COL16A1: variants seen among roughly 807,000 people sequenced by gnomAD.
COL16A1 encodes the protein collagen type XVI alpha 1 chain, also known as collagen alpha-1(XVI) chain.
Under a neutral mutation model 266.3 loss-of-function variants are expected in COL16A1, and 189 were observed. The observed-to-expected ratio is 0.71, with a 90% CI of 0.63 to 0.80. COL16A1 has a LOEUF of 0.80. Ranked by LOEUF, COL16A1 falls within the 30% of genes least tolerant of loss-of-function variation. COL16A1 has a pLI of 0.00. For missense variants in COL16A1, 1,928 were observed against 2,122.4 expected (o/e 0.91, Z 1.80); for synonymous variants, 740 against 782.3 (o/e 0.95, Z 0.90).
intron 10 of COL16A1, 45 bp from the exon 11 acceptor site, chr1:31,695,266 G>A (rs372946481): frequency 1.1e-5 from 17 of 1,606,490 alleles, no homozygotes; most frequent in East Asian, 6.7e-5. Context: ...GAGCCCCTGG[G>A]GTGAGCCCTC....
chr1:31,683,821 T>C, intron 33 of COL16A1, 73 bp from the exon 34 acceptor site: 1 of 1,609,952 alleles, frequency 6.2e-7, no homozygotes, highest in East Asian at 2.2e-5. Flanking sequence ...CAGCCCCTTC[T>C]CCTCCAGCTT....
Position 31,661,781 on chromosome 1 carries a change from C to T in COL16A1, c.3682-77G>A. ...CCAACTCATACCTCTGTCCTCCCCT[C>T]TCTCCAGCCCTCCCCAGCTATCCTA... On this transcript the variant is annotated intron_variant, in intron 58 of 70. Coordinates refer to ENST00000373672, the MANE Select transcript of COL16A1 (RefSeq NM_001856.4). The T allele has an allele frequency of 6.3e-6, 9 of 1,435,232 alleles. No individual in the cohort carries two copies. In the South Asian group the frequency reaches 1.2e-4, roughly 18 times the overall value. 88.9% of individuals were successfully genotyped at this position (1,435,232 alleles called of 1,614,324 possible). A position where few individuals can be genotyped will look rare whatever the true frequency, so the allele number is the denominator to read the frequency against.
chr1:31,701,701 T>G (rs768974556), intron 2 of COL16A1, among the ~76,000 whole-genome samples: 2 of 152,016 alleles, frequency 1.3e-5, no homozygotes, highest in Non-Finnish European at 2.9e-5. Context: ...TCAGCAGGAC[T>G]TGGGGTTCTC....
Position 31,693,101 on chromosome 1 carries a change from C to G in COL16A1, c.1062G>C (p.Lys354Asn). 1.9e-6 allele frequency: 3 copies of G among 1,609,290 alleles called. No individual in the cohort carries two copies. Among genetic ancestry groups the G allele is most frequent in the Non-Finnish European group, 2.6e-6 (3 of 1,175,988 alleles). Residue 354 changes from lysine (K) to asparagine (N), a missense_variant, in exon 13 of 71, where the codon AAG becomes AAC. By Grantham distance (94) the Lys-to-Asn change is moderately conservative (BLOSUM62 0). Transcript: ENST00000373672. ...GGGCTGGGACACTTACCCGTGCTCC[C>G]TTCTCTCCCTTGGAGCCTGGTGGAC... is the stretch of plus-strand genomic sequence containing the variant. ...LPGPPGSKGE[K>N]GARGNDCVRI...
chr1:31,698,492 C>CCCATT lies in COL16A1; in HGVS notation c.376_380dup (p.Tyr128MetfsTer46), dbSNP rs772024855. 5.0e-6 allele frequency: 8 copies of CCCATT among 1,613,992 alleles called. No homozygotes were observed. In the Admixed American group the frequency reaches 1.3e-4, roughly 27 times the overall value. ...CACAGGGGAGGTTCACCTGTGGATA[C>CCCATT]CCATTTGCATCGGTCACTTGAAACA... On this transcript the variant is annotated frameshift_variant, in exon 5 of 71. Transcript: ENST00000373672. LOFTEE classifies it high-confidence loss of function. The surrounding 1 kb of genome is among the most constrained non-coding windows in gnomAD (Gnocchi z 4.1).
intron 47 of COL16A1, 38 bp from the exon 48 acceptor site, chr1:31,671,697 A>G: frequency 1.2e-6 from 2 of 1,613,304 alleles, no homozygotes; most frequent in Non-Finnish European, 8.5e-7. Flanking sequence ...GAAGAGGCCC[A>G]GGCCCCATAG....
intron 9 of COL16A1, 100 bp from the exon 10 acceptor site, chr1:31,695,887 T>A: frequency 8.6e-7 from 1 of 1,161,130 alleles, no homozygotes; most frequent in Non-Finnish European, 1.3e-6. Flanking sequence ...GTGGGCACTC[T>A]AGAGAGTGCC....
chr1:31,690,963 C>G (rs78116922), intron 20 of COL16A1, among the ~76,000 whole-genome samples: 1,884 of 152,338 alleles, frequency 0.012, 42 homozygotes, highest in African/African-American at 0.043. Context: ...ATCCCTATAC[C>G]TGGAACACAG....
Position 31,680,920 on chromosome 1 carries a change from TCCTTTTTCAC to T in COL16A1, c.2585_2594del (p.Gly862AspfsTer176), listed in dbSNP as rs778271962. On this transcript the variant is annotated frameshift_variant and splice_region_variant, in exon 39 of 71. Transcript: ENST00000373672. LOFTEE classifies it high-confidence loss of function. ...TGGAACTCACCTTCTCTCCTCGTGG[TCCTTTTTCAC>T]CCTGCAGGGAAGAAACACAGGAAGG... The T allele has an allele frequency of 4.3e-6, 7 of 1,614,036 alleles. No homozygotes were observed. Among genetic ancestry groups the T allele is most frequent in the Non-Finnish European group, 5.9e-6 (7 of 1,180,030 alleles).
chr1:31,666,578 T>G (rs549545249), intron 52 of COL16A1, among the ~76,000 whole-genome samples: 56 of 152,162 alleles, frequency 3.7e-4, no homozygotes, highest in Middle Eastern at 3.4e-3. Flanking sequence ...TAGCACAGCT[T>G]TCTCTTCTAC....
intron 56 of COL16A1, 103 bp downstream of exon 56, chr1:31,665,069 T>C (rs924800047): frequency 1.3e-6 from 2 of 1,518,628 alleles, no homozygotes; most frequent in Admixed American, 2.3e-5. Flanking sequence ...TGCAACTGGG[T>C]CAGTCTTGGA....
intron 37 of COL16A1, among the ~76,000 whole-genome samples, chr1:31,682,530 G>GGTTCACAT (rs1235689947): frequency 1.3e-5 from 2 of 152,156 alleles, no homozygotes; most frequent in Non-Finnish European, 2.9e-5. Context: ...GGGCAGCACC[G>GGTTCACAT]GTTCACATGT....
At chr1:31,655,678 T>C (rs1428018342) in intron 66 of COL16A1, 176 bp from the exon 67 acceptor site, 6 of 1,088,012 alleles carry the variant, frequency 5.5e-6, no homozygotes, top group Non-Finnish European at 6.5e-6. Context: ...AAGACAGTTC[T>C]CCTGGTGTTA....
rs560804153 is a variant in COL16A1 at position 31,652,924 on chromosome 1, A to C, written c.4613-71T>G. On this transcript the variant is annotated intron_variant, in intron 70 of 70. Transcript: ENST00000373672. The surrounding 1 kb of genome is among the most constrained non-coding windows in gnomAD (Gnocchi z 4.8). ...ATAAGGGAAAAGAAGCCATAATGGC[A>C]TCAAATAATACCTTACATTTGATGA... The C allele has an allele frequency of 7.4e-7, 1 of 1,357,634 alleles. No homozygotes were observed. Among genetic ancestry groups the C allele is most frequent in the Non-Finnish European group, 9.7e-7 (1 of 1,032,246 alleles). 84.1% of individuals were successfully genotyped at this position (1,357,634 alleles called of 1,614,324 possible).
At chr1:31,661,350 T>C (rs1340617959) in intron 60 of COL16A1, 64 bp downstream of exon 60, 5 of 1,611,134 alleles carry the variant, frequency 3.1e-6, no homozygotes, top group Non-Finnish European at 3.4e-6. Flanking sequence ...CTGCCATGTA[T>C]GCCTGGGGGC....
intron 70 of COL16A1, 59 bp downstream of exon 70, chr1:31,653,538 CAG>C (rs886365736): frequency 2.2e-4 from 336 of 1,546,946 alleles, no homozygotes; most frequent in Admixed American, 8.7e-4. Flanking sequence ...ATAGAAGAAA[CAG>C]AAAGAAAAGG....
intron 37 of COL16A1, 75 bp downstream of exon 37, chr1:31,682,859 C>T: frequency 6.3e-7 from 1 of 1,587,800 alleles, no homozygotes; most frequent in Non-Finnish European, 8.6e-7. Context: ...GCAGGGTCAG[C>T]CCTGTGCCCT....
chr1:31,670,473 T>A lies in COL16A1; in HGVS notation c.3195+129A>T. 8.3e-7 allele frequency: 1 copy of A among 1,199,492 alleles called. No homozygotes were observed. The highest frequency in any genetic ancestry group is 1.1e-6 in the Non-Finnish European group (1 of 929,654). 74.3% of individuals were successfully genotyped at this position (1,199,492 alleles called of 1,614,324 possible). ...ACCTCAGAGAACCCGTGTCGTTAGC[T>A]ACCGTGCCTGAAGGGGGACAACAAA... On this transcript the variant is annotated intron_variant, in intron 49 of 70. Coordinates refer to ENST00000373672, the MANE Select transcript of COL16A1 (RefSeq NM_001856.4). This position sits in a 1 kb window ranked among gnomAD's most constrained non-coding sequence, Gnocchi z 4.5.
Position 31,685,384 on chromosome 1 carries a change from G to A in COL16A1, c.2016+255C>T, listed in dbSNP as rs118052938. On this transcript the variant is annotated intron_variant, in intron 29 of 70. Transcript: ENST00000373672. This position sits in a 1 kb window ranked among gnomAD's most constrained non-coding sequence, Gnocchi z 4.0. ...AGTCAAAGACTTAGTAAGAAGCAAAGCTAAGATTGGAACCCAGGTCTCTCT... is the reference window on the plus strand; with the variant it reads ...AGTCAAAGACTTAGTAAGAAGCAAAACTAAGATTGGAACCCAGGTCTCTCT... 1.5e-3 allele frequency among the ~76,000 whole-genome samples: 225 copies of A among 152,304 alleles called. 7 individuals are homozygous for A. In the East Asian group the frequency reaches 0.033, roughly 22 times the overall value.
Sources: gnomAD v4.1 joint callset for allele counts (sites outside exome capture counted in the v4.1 genomes callset) on GRCh38, gnomAD v4.1.1 for gene constraint, Gnocchi (gnomAD v3.1) non-coding constraint, MANE v1.5 for transcripts, NCBI Gene and HGNC (gene_info 2026-07-23, HGNC 2026-07-21) for gene names.